Variants in RAB23 observed in about 807,000 individuals in gnomAD.
The protein encoded by RAB23 is ras-related protein Rab-23.
In RAB23, 15 loss-of-function variants were observed where a neutral mutation model predicts 30.0. The ratio of observed to expected loss-of-function variants is 0.50; its 90% CI spans 0.33 to 0.77. RAB23 has a LOEUF of 0.77. Ranked by LOEUF, RAB23 falls within the 30% of genes least tolerant of loss-of-function variation. The probability of loss-of-function intolerance (pLI) is 0.02; values close to 1 mark genes in which losing one functional copy is unlikely to be tolerated. For missense variants in RAB23, 243 were observed against 275.4 expected (o/e 0.88, Z 0.83); for synonymous variants, 93 against 94.0 (o/e 0.99, Z 0.06).
chr6:57,215,804 A>C (rs1280332921), intron 1 of RAB23, among the ~76,000 whole-genome samples: 3 of 152,254 alleles, frequency 2.0e-5, no homozygotes, highest in Non-Finnish European at 4.4e-5. Context: ...AAAAAAAATT[A>C]TAAAACTGTC....
At chr6:57,208,192 TC>T (rs1433088774) in intron 2 of RAB23, among the ~76,000 whole-genome samples, 2 of 152,214 alleles carry the variant, frequency 1.3e-5, no homozygotes. Flanking sequence ...TTTGGATTTA[TC>T]TGCCATGTTT....
At chr6:57,190,636 A>G (rs780831133) in intron 6 of RAB23, 36 bp from the exon 7 acceptor site, 1 of 1,611,060 alleles carries the variant, frequency 6.2e-7, no homozygotes, top group Non-Finnish European at 8.5e-7. Flanking sequence ...ATTGCCACTG[A>G]CACGCCTGAG....
chr6:57,216,810 T>C (rs888354469), intron 1 of RAB23, among the ~76,000 whole-genome samples: 1 of 151,682 alleles, frequency 6.6e-6, no homozygotes, highest in Non-Finnish European at 1.5e-5. Flanking sequence ...TTTCAGATGA[T>C]ATAAGGTAAC....
At position 57,207,708 on chromosome 6, in the gene RAB23, T is replaced by A. The variant is rs748908515; in HGVS notation, c.161A>T (p.Asn54Ile). 2.5e-6 allele frequency: 4 copies of A among 1,586,496 alleles called. No individual in the cohort carries two copies. The South Asian group carries it at 3.3e-5, about 13-fold the overall frequency. Residue 54 changes from asparagine (N) to isoleucine (I), a missense_variant, in exon 3 of 7, where the codon AAT becomes ATT. By Grantham distance (149) the Asn-to-Ile change is moderately radical. Coordinates refer to ENST00000468148, the MANE Select transcript of RAB23 (RefSeq NM_016277.5). The stretch of plus-strand genomic sequence containing the variant: ...TAACATTAGTCTGACATCTTCATCA[T>A]TAACTCTAAAACAAGAGATGAATTT... ...VDFLERQIQV[N>I]DEDVRLMLWD...
At chr6:57,210,550 A>T in intron 1 of RAB23, 105 bp from the exon 2 acceptor site, 1 of 727,394 alleles carries the variant, frequency 1.4e-6, no homozygotes, top group African/African-American at 1.8e-5. Flanking sequence ...ATGTGTTTTC[A>T]TAACTGAGGT....
In RAB23 at chr6:57,190,007, T is replaced by C. The variant is rs1477767285; in HGVS notation, c.*454A>G. On this transcript the variant is annotated 3_prime_UTR_variant, in exon 7 of 7. Transcript: ENST00000468148. ...TAATGCAGTCTGGCAAGATTTAGGG[T>C]TTACCTTTCAGTATTATTTTGTGAA... 4.8e-6 allele frequency: 1 copy of C among 206,396 alleles called. No individual in the cohort carries two copies. Among genetic ancestry groups the C allele is most frequent in the African/African-American group, 2.4e-5 (1 of 42,096 alleles). 12.8% of individuals were successfully genotyped at this position (206,396 alleles called of 1,614,324 possible). A position where few individuals can be genotyped will look rare whatever the true frequency, so the allele number is the denominator to read the frequency against.
At chr6:57,191,935 C>T (rs1484071013) in intron 6 of RAB23, among the ~76,000 whole-genome samples, 1 of 151,942 alleles carries the variant, frequency 6.6e-6, no homozygotes, top group Non-Finnish European at 1.5e-5. Flanking sequence ...CAGCCTTTAA[C>T]TCCTGGGCTC....
chr6:57,207,880 C>A (rs1298987067), intron 2 of RAB23, among the ~76,000 whole-genome samples, 167 bp from the exon 3 acceptor site: 1 of 152,124 alleles, frequency 6.6e-6, no homozygotes, highest in Non-Finnish European at 1.5e-5. Context: ...TCCTGGTAAG[C>A]CCATTGTAAG....
In RAB23 at chr6:57,193,859, G is replaced by C; in HGVS notation, c.557C>G (p.Ser186Ter). The stretch of plus-strand genomic sequence containing the variant: ...GTACTTACCAATCTTGTTACTACTT[G>C]AATGCGTTAGTTCTGGATCCTCAGC... The part of the protein sequence containing the change: ...QIAEDPELTH[S>*]SSNKIGVFNT... Residue 186 changes from serine (S) to a stop codon, truncating the protein, a stop_gained, in exon 6 of 7, where the codon TCA becomes TGA. Transcript: ENST00000468148. LOFTEE classifies it high-confidence loss of function. 1 of 1,612,768 alleles carries C rather than the reference G, an allele frequency of 6.2e-7. No individual in the cohort carries two copies. Among genetic ancestry groups the C allele is most frequent in the Non-Finnish European group, 8.5e-7 (1 of 1,179,258 alleles).
rs1030893667 is a variant in RAB23, at chr6:57,187,782, A to C, written c.*2679T>G. ...GTTCCTTCTGAGCACTGCACTGCCA[A>C]CTTCTAAAGCAACCACCTAGAACTT... On this transcript the variant is annotated 3_prime_UTR_variant, in exon 7 of 7. Coordinates refer to ENST00000468148, the MANE Select transcript of RAB23 (RefSeq NM_016277.5). 4 of 152,074 alleles carry C rather than the reference A, an allele frequency of 2.6e-5. No individual in the cohort carries two copies. Among genetic ancestry groups the C allele is most frequent in the African/African-American group, 9.7e-5 (4 of 41,392 alleles). The allele number at this position is 152,074 out of a possible 1,614,324, so 9.4% of individuals were successfully genotyped here.
intron 5 of RAB23, among the ~76,000 whole-genome samples, chr6:57,194,534 C>A (rs116177410): frequency 1.5e-3 from 228 of 152,044 alleles, no homozygotes; most frequent in Non-Finnish European, 2.5e-3. Context: ...ATATAGCTTA[C>A]ATTTTTCAAA....
At chr6:57,206,999 T>G (rs1291466376) in intron 3 of RAB23, among the ~76,000 whole-genome samples, 3 of 152,220 alleles carry the variant, frequency 2.0e-5, no homozygotes, top group Non-Finnish European at 4.4e-5. Flanking sequence ...TTCTCTCACT[T>G]TAATCACTAT....
intron 1 of RAB23, among the ~76,000 whole-genome samples, chr6:57,211,765 G>A (rs1211847028): frequency 6.6e-6 from 1 of 152,092 alleles, no homozygotes; most frequent in Non-Finnish European, 1.5e-5. Context: ...CAATAGAATG[G>A]GCACTTTGCA....
Position 57,200,921 on chromosome 6 carries a change from T to C in RAB23, c.242-4315A>G, listed in dbSNP as rs921662117. Among the ~76,000 whole-genome samples the C allele has an allele frequency of 4.1e-4, 63 of 152,260 alleles. No individual in the cohort carries two copies. In the Middle Eastern group the frequency reaches 0.01, roughly 25 times the overall value. On this transcript the variant is annotated intron_variant, in intron 3 of 6. Transcript: ENST00000468148. Reference sequence around the variant, plus strand: ...AACCACATCTAAGAGATACCAGTAATGGGGCTCTGGACATGCTAAACTAAA... The same window carrying C: ...AACCACATCTAAGAGATACCAGTAACGGGGCTCTGGACATGCTAAACTAAA...
intron 3 of RAB23, 118 bp downstream of exon 3, chr6:57,207,510 A>T (rs1765492178): frequency 1.4e-6 from 1 of 706,950 alleles, no homozygotes; most frequent in African/African-American, 1.8e-5. Context: ...AATACTTTGA[A>T]ATTATTTTAA....
intron 1 of RAB23, among the ~76,000 whole-genome samples, chr6:57,212,773 G>C (rs1212929774): frequency 6.6e-6 from 1 of 151,710 alleles, no homozygotes; most frequent in Non-Finnish European, 1.5e-5. Context: ...TGTAGTCCCA[G>C]CTACTCGGGA....
chr6:57,196,220 A>G (rs1486876518), intron 4 of RAB23, among the ~76,000 whole-genome samples: 1 of 152,190 alleles, frequency 6.6e-6, no homozygotes, highest in African/African-American at 2.4e-5. Flanking sequence ...AGAGCCTTCA[A>G]ATTTTAATCC....
At chr6:57,200,245 A>G (rs1200548710) in intron 3 of RAB23, among the ~76,000 whole-genome samples, 1 of 151,568 alleles carries the variant, frequency 6.6e-6, no homozygotes, top group East Asian at 1.9e-4. Flanking sequence ...AAGGATCTGT[A>G]AAGAATGTCT....
At chr6:57,216,758 G>A (rs1408579389) in intron 1 of RAB23, among the ~76,000 whole-genome samples, 1 of 152,066 alleles carries the variant, frequency 6.6e-6, no homozygotes, top group Admixed American at 6.6e-5. Flanking sequence ...ACTTTTCTGG[G>A]AAAGGGATGG....
Sources: gnomAD v4.1 joint callset for allele counts (sites outside exome capture counted in the v4.1 genomes callset) on GRCh38, gnomAD v4.1.1 for gene constraint, MANE v1.5 for transcripts, NCBI Gene and HGNC (gene_info 2026-07-23, HGNC 2026-07-21) for gene names.